The following SEMA3D variants were observed in gnomAD, a reference collection of about 807,000 sequenced individuals.
SEMA3D encodes the protein semaphorin-3D.
In SEMA3D, 84 loss-of-function variants were observed where a neutral mutation model predicts 100.1. That is an observed-to-expected ratio of 0.84 (90% CI 0.70 to 1.01). The LOEUF (loss-of-function observed/expected upper bound fraction) is 1.01, where lower values mean the gene tolerates loss of function less well. Ranked by LOEUF, SEMA3D falls within the 50% of genes least tolerant of loss-of-function variation. The pLI is 0.00. For synonymous variants in SEMA3D, 312 were observed against 320.7 expected, an observed-to-expected ratio of 0.97 and a Z score of 0.29; for missense variants, 875 against 934.1, an observed-to-expected ratio of 0.94 and a Z score of 0.82.
chr7:85,185,313 T>C (rs985833468), intron 1 of SEMA3D, among the ~76,000 whole-genome samples: 1 of 151,962 alleles, frequency 6.6e-6, no homozygotes, highest in Non-Finnish European at 1.5e-5. Context: ...CCCTCTCTGT[T>C]AGGAGATCCT....
At chr7:85,021,101 G>A (rs1261938646) in intron 13 of SEMA3D, among the ~76,000 whole-genome samples, 3 of 151,578 alleles carry the variant, frequency 2.0e-5, no homozygotes, top group African/African-American at 2.4e-5. Context: ...TCTGAGCACT[G>A]GGGTTGGAGT....
At chr7:85,005,346 TA>T (rs1329975445) in intron 18 of SEMA3D, among the ~76,000 whole-genome samples, 2 of 151,976 alleles carry the variant, frequency 1.3e-5, no homozygotes, top group East Asian at 3.9e-4. Flanking sequence ...AATATATAGG[TA>T]AAAAATGGGA....
intron 6 of SEMA3D, 131 bp from the exon 7 acceptor site, chr7:85,068,415 G>A (rs1791685520): frequency 1.7e-6 from 1 of 598,600 alleles, no homozygotes; most frequent in African/African-American, 1.9e-5. Context: ...TGTGCATAAT[G>A]CTGAACTCCT....
chr7:85,043,115 T>C (rs1790908860), intron 9 of SEMA3D, among the ~76,000 whole-genome samples: 1 of 152,134 alleles, frequency 6.6e-6, no homozygotes, highest in Non-Finnish European at 1.5e-5. Context: ...CACAGCACTT[T>C]GGGAGGCTGA....
chr7:85,141,253 CA>C (rs879597227), intron 2 of SEMA3D: 53 of 984,236 alleles, frequency 5.4e-5, no homozygotes, highest in Non-Finnish European at 6.3e-5. Context: ...TGAAGAGGGA[CA>C]AGTTCAAGTT....
chr7:85,249,325 G>T, the SEMA3D span, among the ~76,000 whole-genome samples: 2 of 152,078 alleles, frequency 1.3e-5, no homozygotes, highest in Admixed American at 1.3e-4. Flanking sequence ...CTCAAAAACT[G>T]ACACAGGAAA....
intron 13 of SEMA3D, among the ~76,000 whole-genome samples, chr7:85,021,932 T>A (rs1790266967): frequency 6.6e-6 from 1 of 151,846 alleles, no homozygotes; most frequent in Non-Finnish European, 1.5e-5. Flanking sequence ...AGAAGAAAGA[T>A]AATCTCCAAG....
intron 11 of SEMA3D, 119 bp from the exon 12 acceptor site, chr7:85,037,152 G>C (rs1584540885): frequency 1.1e-6 from 1 of 875,136 alleles, no homozygotes; most frequent in Admixed American, 2.6e-5. Context: ...AAATTTGATG[G>C]GTACTGTAGA....
chr7:85,108,102 A>T (rs1230919927), intron 3 of SEMA3D, among the ~76,000 whole-genome samples: 3 of 152,018 alleles, frequency 2.0e-5, no homozygotes, highest in Admixed American at 2.0e-4. Flanking sequence ...TAATTTTAAA[A>T]TTTTGGTTTT....
intron 4 of SEMA3D, among the ~76,000 whole-genome samples, chr7:85,096,053 T>G (rs1025559394): frequency 6.6e-6 from 1 of 151,982 alleles, no homozygotes; most frequent in African/African-American, 2.4e-5. Context: ...TATGAATTGC[T>G]TTTTGCTAGT....
intron 12 of SEMA3D, among the ~76,000 whole-genome samples, chr7:85,024,448 TTAAA>T (rs1459569373): frequency 2.6e-5 from 4 of 151,948 alleles, no homozygotes; most frequent in Admixed American, 6.6e-5. Flanking sequence ...TATCAAATTG[TTAAA>T]TAATTAGAAA....
rs1789770423 is a variant in SEMA3D at position 85,133,043 on chromosome 7, TGCCAGAAATTTCAGCTTCTTTATCAG to T, written c.-40-11138_-40-11113del. Among the ~76,000 whole-genome samples, 4 of 152,072 alleles carry T rather than the reference TGCCAGAAATTTCAGCTTCTTTATCAG, an allele frequency of 2.6e-5. No individual in the cohort carries two copies. In the South Asian group the frequency reaches 6.2e-4, roughly 24 times the overall value. On this transcript the variant is annotated intron_variant, in intron 2 of 18. Coordinates refer to ENST00000284136, the MANE Select transcript of SEMA3D (RefSeq NM_001384900.1). ...TCTTGTGACAGTGAGACTAATAAAG[TGCCAGAAATTTCAGCTTCTTTATCAG>T]GCAGCCACATATTTATAAAAAAAAC...
At chr7:85,097,475 G>A (rs1788596636) in intron 4 of SEMA3D, among the ~76,000 whole-genome samples, 1 of 151,788 alleles carries the variant, frequency 6.6e-6, no homozygotes, top group Admixed American at 6.6e-5. Flanking sequence ...CATTCTTGAT[G>A]TATAACTAAT....
intron 2 of SEMA3D, chr7:85,140,321 A>G (rs1267581302): frequency 1.0e-6 from 1 of 982,590 alleles, no homozygotes; most frequent in Non-Finnish European, 1.2e-6. Context: ...GTGAAAATGC[A>G]CGGCATTAGA....
chr7:85,214,811 T>C, the SEMA3D span, among the ~76,000 whole-genome samples: 7 of 152,118 alleles, frequency 4.6e-5, no homozygotes, highest in African/African-American at 1.7e-4. Context: ...TTGGCTCTTA[T>C]AATGATGATT....
At chr7:85,129,879 C>T (rs1789674538) in intron 2 of SEMA3D, among the ~76,000 whole-genome samples, 1 of 152,030 alleles carries the variant, frequency 6.6e-6, no homozygotes, top group Non-Finnish European at 1.5e-5. Flanking sequence ...AAAACTATGA[C>T]CTTGAGTTTC....
chr7:85,231,194 T>C, the SEMA3D span, among the ~76,000 whole-genome samples: 5 of 152,176 alleles, frequency 3.3e-5, no homozygotes, highest in African/African-American at 1.2e-4. Flanking sequence ...TTTCTCTTCC[T>C]TTCTATCCAA....
chr7:85,131,609 A>G (rs1194073129), intron 2 of SEMA3D, among the ~76,000 whole-genome samples: 1 of 152,046 alleles, frequency 6.6e-6, no homozygotes, highest in African/African-American at 2.4e-5. Flanking sequence ...TTCTCCAGAA[A>G]GGATACTAGT....
At chr7:85,088,709 G>A (rs1037420688) in intron 4 of SEMA3D, among the ~76,000 whole-genome samples, 1 of 152,118 alleles carries the variant, frequency 6.6e-6, no homozygotes, top group Admixed American at 6.5e-5. Flanking sequence ...TTACAGAAGG[G>A]AAGTTTAATT....
Sources: gnomAD v4.1 joint callset for allele counts (sites outside exome capture counted in the v4.1 genomes callset) on GRCh38, gnomAD v4.1.1 for gene constraint, MANE v1.5 for transcripts, NCBI Gene and HGNC (gene_info 2026-07-23, HGNC 2026-07-21) for gene names.